Variants in KRT6A observed in about 807,000 individuals in gnomAD.
The protein encoded by KRT6A is keratin, type II cytoskeletal 6A.
KRT6A carries 28 observed loss-of-function variants against 48.6 expected under a neutral mutation model. That is an observed-to-expected ratio of 0.58 (90% CI 0.43 to 0.79). KRT6A has a LOEUF of 0.79. KRT6A is among the 30% of genes least tolerant of loss of function. KRT6A has a pLI of 0.00. For synonymous variants in KRT6A, 301 were observed against 294.2 expected, an observed-to-expected ratio of 1.02 and a Z score of -0.24; for missense variants, 687 against 724.3, an observed-to-expected ratio of 0.95 and a Z score of 0.59.
chr12:52,491,393 A>G (rs1240418363), intron 2 of KRT6A, 129 bp downstream of exon 2: 8 of 1,373,770 alleles, frequency 5.8e-6, no homozygotes, highest in Non-Finnish European at 7.2e-6. Context: ...GCTCCTAGGG[A>G]CTAATTTGTG....
At chr12:52,488,658 A>G (rs1938196779) in intron 6 of KRT6A, 110 bp from the exon 7 acceptor site, 2 of 1,362,436 alleles carry the variant, frequency 1.5e-6, no homozygotes, top group Non-Finnish European at 2.1e-6. Context: ...TTGATGGTGA[A>G]TGAGCTCTGA....
At chr12:52,491,243 C>T (rs1938256696) in intron 2 of KRT6A, 71 bp from the exon 3 acceptor site, 5 of 1,609,372 alleles carry the variant, frequency 3.1e-6, no homozygotes, top group Non-Finnish European at 4.3e-6. Flanking sequence ...GCCTGGGATT[C>T]AACATTTTCC....
Position 52,490,555 on chromosome 12 carries a change from C to A in KRT6A, c.1077+14G>T. The A allele has an allele frequency of 6.2e-7, 1 of 1,614,204 alleles. No homozygotes were observed. Among genetic ancestry groups the A allele is most frequent in the Non-Finnish European group, 8.5e-7 (1 of 1,180,040 alleles). On this transcript the variant is annotated intron_variant, in intron 5 of 8. Transcript: ENST00000330722. Reference sequence around the variant, plus strand: ...GCACAGGGATTCCTCAGCGGCTGCCCACTCCCTGCTCACCTTGGTCTGGTA... The same window carrying A: ...GCACAGGGATTCCTCAGCGGCTGCCAACTCCCTGCTCACCTTGGTCTGGTA...
Position 52,490,530 on chromosome 12 carries a change from G to A in KRT6A, c.1077+39C>T, listed in dbSNP as rs200926672. 174 of 1,614,164 alleles carry A rather than the reference G, an allele frequency of 1.1e-4. 2 individuals carry two copies. In the East Asian group the frequency reaches 3.8e-3, roughly 35 times the overall value. On this transcript the variant is annotated intron_variant, in intron 5 of 8. Coordinates refer to ENST00000330722, the MANE Select transcript of KRT6A (RefSeq NM_005554.4). ...TGCAGTCCTCTGGTATTCAGGGATG[G>A]CACAGGGATTCCTCAGCGGCTGCCC... is the stretch of plus-strand genomic sequence containing the variant.
At position 52,488,496 on chromosome 12, in the gene KRT6A, G is replaced by T; in HGVS notation, c.1256C>A (p.Ala419Asp). 1.2e-6 allele frequency: 2 copies of T among 1,614,162 alleles called. No individual in the cohort carries two copies. The highest frequency in any genetic ancestry group is 4.5e-5 in the East Asian group (2 of 44,872). ...IADAEQRGEMALKDAKNKLEG... is the reference protein window; with the variant it reads ...IADAEQRGEMDLKDAKNKLEG... ...CAGCTTGTTCTTGGCATCCTTGAGGGCCATCTCCCCACGCTGCTCAGCATC... is the reference window on the plus strand; with the variant it reads ...CAGCTTGTTCTTGGCATCCTTGAGGTCCATCTCCCCACGCTGCTCAGCATC... The change falls in exon 7 of 9, where the codon GCC becomes GAC. Residue 419 changes from alanine (A) to aspartate (D), a missense_variant. By Grantham distance (126) the Ala-to-Asp change is moderately radical. Around this residue, in one of 3 missense-constraint regions of KRT6A, gnomAD observed 566 missense variants for 565.3 expected, o/e 1.00. Transcript: ENST00000330722.
chr12:52,489,911 A>AC (rs1938227346), intron 6 of KRT6A, 32 bp downstream of exon 6: 2 of 1,613,984 alleles, frequency 1.2e-6, no homozygotes, highest in African/African-American at 2.7e-5. Context: ...TGACAAGGAA[A>AC]TGCTTCTCTC....
intron 1 of KRT6A, among the ~76,000 whole-genome samples, 185 bp downstream of exon 1, chr12:52,492,464 A>G (rs1267903105): frequency 6.6e-6 from 1 of 152,160 alleles, no homozygotes; most frequent in Non-Finnish European, 1.5e-5. Context: ...GGGCCACTCC[A>G]GAGATCCCAT....
At position 52,491,726 on chromosome 12, in the gene KRT6A, A is replaced by C; in HGVS notation, c.551T>G (p.Leu184Arg). The C allele has an allele frequency of 6.2e-7, 1 of 1,614,202 alleles. No homozygotes were observed. Residue 184 changes from leucine (L) to arginine (R), a missense_variant, in exon 2 of 9, where the codon CTG (leucine) becomes CGG (arginine). Around this residue, in one of 3 missense-constraint regions of KRT6A, gnomAD observed 566 missense variants for 565.3 expected, o/e 1.00. Transcript: ENST00000330722. ...FASFIDKVRF[L>R]EQQNKVLETK... Reference sequence around the variant, plus strand: ...TTCCAGAACCTTGTTCTGCTGCTCCAGGAACCGCACCTGAAAGAGAGACAA... The same window carrying C: ...TTCCAGAACCTTGTTCTGCTGCTCCCGGAACCGCACCTGAAAGAGAGACAA...
At chr12:52,490,246 C>G in intron 5 of KRT6A, 178 bp from the exon 6 acceptor site, 1 of 1,240,758 alleles carries the variant, frequency 8.1e-7, no homozygotes, top group Non-Finnish European at 1.1e-6. Flanking sequence ...CACAGACCAT[C>G]CTCATTATGG....
intron 5 of KRT6A, chr12:52,490,323 T>A (rs1938237589): frequency 2.2e-6 from 2 of 926,658 alleles, no homozygotes; most frequent in Non-Finnish European, 3.3e-6. Flanking sequence ...AAGCCAGCAA[T>A]CAGGGTGAAG....
Position 52,487,867 on chromosome 12 carries a change from G to A in KRT6A, c.1548C>T (p.Ser516=), listed in dbSNP as rs1370912334. The A allele has an allele frequency of 3.5e-5, 57 of 1,614,074 alleles. No homozygotes were observed. The highest frequency in any genetic ancestry group is 4.7e-5 in the Non-Finnish European group (56 of 1,179,916). ...GLGLGGGSSY[S]YGSGLGVGGG... ...CTCCAACGCCAAGACCACTGCCATA[G>A]GAGTAGCTGCTTCCTCCACCCAGGC... The change falls in exon 9 of 9, where the codon TCC becomes TCT. Residue 516 remains serine, a synonymous_variant. Coordinates refer to ENST00000330722, the MANE Select transcript of KRT6A (RefSeq NM_005554.4).
At chr12:52,489,757 G>A (rs1938223018) in intron 6 of KRT6A, 186 bp downstream of exon 6, 1 of 976,808 alleles carries the variant, frequency 1.0e-6, no homozygotes, top group South Asian at 1.5e-5. Flanking sequence ...TCTCTCATGT[G>A]TTTGTGTCAT....
intron 7 of KRT6A, 62 bp downstream of exon 7, chr12:52,488,266 C>T (rs1938185302): frequency 6.2e-7 from 1 of 1,613,886 alleles, no homozygotes; most frequent in Middle Eastern, 1.7e-4. Context: ...TAAAGTTGTG[C>T]TCAGTGCCAG....
At chr12:52,491,891 T>G (rs1938273461) in intron 1 of KRT6A, among the ~76,000 whole-genome samples, 155 bp from the exon 2 acceptor site, 1 of 152,188 alleles carries the variant, frequency 6.6e-6, no homozygotes, top group Admixed American at 6.5e-5. Flanking sequence ...CCCCAACCCC[T>G]TCTCCTTTGT....
In KRT6A at chr12:52,490,863, C is replaced by A. The variant is rs771697147; in HGVS notation, c.907G>T (p.Asp303Tyr). ...DEINFLRALY[D>Y]AELSQMQTHI... ...AGGATGGTGGAGATGCTTACTGCAT[C>A]ATACAAGGCTCTCAGGAAGTTGATC... is the stretch of plus-strand genomic sequence containing the variant. Residue 303 changes from aspartate to tyrosine, a missense_variant, in exon 4 of 9, where the codon GAT becomes TAT. Physicochemically the swap from Asp to Tyr is radical, Grantham distance 160. Coordinates refer to ENST00000330722, the MANE Select transcript of KRT6A (RefSeq NM_005554.4). 6.2e-7 allele frequency: 1 copy of A among 1,614,064 alleles called. No individual in the cohort carries two copies. The highest frequency in any genetic ancestry group is 1.1e-5 in the South Asian group (1 of 91,078).
chr12:52,493,143 G>T lies in KRT6A; in HGVS notation c.46C>A (p.Arg16=). The T allele has an allele frequency of 3.1e-6, 5 of 1,614,080 alleles. No individual in the cohort carries two copies. The highest frequency in any genetic ancestry group is 3.4e-6 in the Non-Finnish European group (4 of 1,180,002). ...CTGGCTGAGTTGGCACTGAAACCCC[G>T]GCGGCTGCTGCTGTGGCTCCTGATG... ...TTIRSHSSSR[R]GFSANSARLP... is the part of the protein sequence containing the mutation. Residue 16 remains arginine, a synonymous_variant, in exon 1 of 9, where the codon CGG becomes AGG. Transcript: ENST00000330722.
intron 8 of KRT6A, 43 bp downstream of exon 8, chr12:52,488,026 A>G (rs1385724959): frequency 1.2e-6 from 2 of 1,614,160 alleles, no homozygotes; most frequent in Non-Finnish European, 1.7e-6. Flanking sequence ...GCCCAGTCAG[A>G]AGAGTGCGAG....
At chr12:52,490,160 G>A (rs1938233969) in intron 5 of KRT6A, 92 bp from the exon 6 acceptor site, 1 of 1,609,868 alleles carries the variant, frequency 6.2e-7, no homozygotes, top group African/African-American at 1.3e-5. Flanking sequence ...GTCATGAAGT[G>A]GACCTAAAGG....
At position 52,492,963 on chromosome 12, in the gene KRT6A, T is replaced by A. The variant is rs969769444; in HGVS notation, c.226A>T (p.Ser76Cys). 1 of 1,609,610 alleles carries A rather than the reference T, an allele frequency of 6.2e-7. No individual in the cohort carries two copies. Among genetic ancestry groups the A allele is most frequent in the African/African-American group, 1.3e-5 (1 of 74,442 alleles). ...CCATAGCCGCCACTGATGGCACAGC[T>A]GCCCCCTCCAATGGAGATCCTCTTG... ...GSKRISIGGGSCAISGGYGSR... is the reference protein window; with the variant it reads ...GSKRISIGGGCCAISGGYGSR... The change falls in exon 1 of 9, where the codon AGC becomes TGC. Residue 76 changes from serine to cysteine, a missense_variant. Transcript: ENST00000330722.
Sources: allele counts gnomAD v4.1 joint callset (sites outside exome capture counted in the v4.1 genomes callset), GRCh38; gene constraint gnomAD v4.1.1; regional missense constraint gnomAD v4.1.1; transcripts MANE v1.5; gene names NCBI Gene and HGNC (gene_info 2026-07-23, HGNC 2026-07-21).